The following MRM3 variants were observed in gnomAD, a reference collection of about 807,000 sequenced individuals.
MRM3 encodes rRNA methyltransferase 3, mitochondrial.
In MRM3, 26 loss-of-function variants were observed where a neutral mutation model predicts 29.4. The ratio of observed to expected loss-of-function variants is 0.89; its 90% CI spans 0.65 to 1.23. The LOEUF is 1.23. MRM3 is among the 50% of genes most tolerant of loss of function. The pLI, the probability that MRM3 is intolerant of heterozygous loss-of-function variation, is 0.00. For missense variants in MRM3, 578 were observed against 540.2 expected, an observed-to-expected ratio of 1.07 and a Z score of -0.69; for synonymous variants, 225 against 219.0, an observed-to-expected ratio of 1.03 and a Z score of -0.24.
chr17:784,040 C>T lies in MRM3; in HGVS notation c.559+713C>T, dbSNP rs568038431. Among the ~76,000 whole-genome samples, 10 of 152,338 alleles carry T rather than the reference C, an allele frequency of 6.6e-5. No individual in the cohort carries two copies. In the South Asian group the frequency reaches 1.2e-3, roughly 19 times the overall value. On this transcript the variant is annotated intron_variant, in intron 2 of 3. Transcript: ENST00000304478. The stretch of plus-strand genomic sequence containing the variant: ...AGGTACAAGCCACAATTTACTGCCC[C>T]GTTTAGCCCAATAAACAGAGAACCT...
chr17:786,620 A>G (rs1374151422), intron 2 of MRM3, among the ~76,000 whole-genome samples: 2 of 151,934 alleles, frequency 1.3e-5, no homozygotes, highest in Non-Finnish European at 2.9e-5. Flanking sequence ...CATGTTGTTC[A>G]GGCTGGTCTC....
At position 792,112 on chromosome 17, in the gene MRM3, C is replaced by G. The variant is rs764749129; in HGVS notation, c.*43C>G. 16 of 1,539,452 alleles carry G rather than the reference C, an allele frequency of 1.0e-5. No individual in the cohort carries two copies. The highest frequency in any genetic ancestry group is 1.1e-5 in the Non-Finnish European group (12 of 1,139,690). Reference sequence around the variant, plus strand: ...CTGCTTGAGGACGTCTGCAGCTCCTCCTACACCAGCACACTGGTGGGAGGC... The same window carrying G: ...CTGCTTGAGGACGTCTGCAGCTCCTGCTACACCAGCACACTGGTGGGAGGC... On this transcript the variant is annotated 3_prime_UTR_variant, in exon 4 of 4. Coordinates refer to ENST00000304478, the MANE Select transcript of MRM3 (RefSeq NM_018146.4).
chr17:788,680 C>G (rs1390545138), intron 3 of MRM3, among the ~76,000 whole-genome samples: 1 of 152,030 alleles, frequency 6.6e-6, no homozygotes, highest in Non-Finnish European at 1.5e-5. Context: ...GATCTTGGGT[C>G]TGCCTTCACT....
intron 2 of MRM3, among the ~76,000 whole-genome samples, chr17:786,183 C>T (rs993830662): frequency 3.3e-5 from 5 of 152,246 alleles, no homozygotes; most frequent in South Asian, 2.1e-4. Context: ...TCACTGCAAC[C>T]TCCACCTCCT....
rs1402719309 is a variant in MRM3, at chr17:791,594, T to A, written c.788T>A (p.Met263Lys). Residue 263 changes from methionine to lysine, a missense_variant, in exon 4 of 4, where the codon ATG becomes AAG. By Grantham distance (95) the Met-to-Lys change is moderately conservative. Coordinates refer to ENST00000304478, the MANE Select transcript of MRM3 (RefSeq NM_018146.4). ...GCGGGTATGGGCGCACATTTCCGGA[T>A]GCCCATTATCAATAATCTGGAATGG... Reference protein sequence around the residue: ...LRAGMGAHFRMPIINNLEWET... With the variant: ...LRAGMGAHFRKPIINNLEWET... The A allele has an allele frequency of 1.9e-6, 3 of 1,614,092 alleles. No individual in the cohort carries two copies. The highest frequency in any genetic ancestry group is 1.3e-5 in the African/African-American group (1 of 74,940).
Position 787,820 on chromosome 17 carries a change from A to T in MRM3, c.560-145A>T. 1.2e-6 allele frequency: 1 copy of T among 853,266 alleles called. No individual in the cohort carries two copies. Among genetic ancestry groups the T allele is most frequent in the Non-Finnish European group, 1.9e-6 (1 of 534,470 alleles). The allele number at this position is 853,266 out of a possible 1,614,324, so 52.9% of individuals were successfully genotyped here. Reference sequence around the variant, plus strand: ...CGCCTTGGCCTCCCGAAGTGTTGGGATTACAGGCATGAGCCAGTACACCTG... The same window carrying T: ...CGCCTTGGCCTCCCGAAGTGTTGGGTTTACAGGCATGAGCCAGTACACCTG... On this transcript the variant is annotated intron_variant, in intron 2 of 3. Coordinates refer to ENST00000304478, the MANE Select transcript of MRM3 (RefSeq NM_018146.4). The surrounding 1 kb of genome is among the most constrained non-coding windows in gnomAD (Gnocchi z 4.1).
chr17:785,416 A>G (rs1567799211), intron 2 of MRM3, among the ~76,000 whole-genome samples: 2 of 152,154 alleles, frequency 1.3e-5, no homozygotes, highest in Non-Finnish European at 2.9e-5. Context: ...TTATTATATA[A>G]TGTATATATA....
intron 2 of MRM3, 162 bp downstream of exon 2, chr17:783,489 AC>A: frequency 1.6e-6 from 1 of 632,372 alleles, no homozygotes; most frequent in Non-Finnish European, 2.5e-6. Context: ...GGCGTCTGCC[AC>A]CATGCCCGGG....
rs186241400 is a variant in MRM3 at position 782,692 on chromosome 17, G to A, written c.314G>A (p.Ser105Asn). 22 of 1,596,192 alleles carry A rather than the reference G, an allele frequency of 1.4e-5. No individual in the cohort carries two copies. In the East Asian group the frequency reaches 2.7e-4, roughly 20 times the overall value. The change falls in exon 1 of 4, where the codon AGC (serine) becomes AAC (asparagine). Residue 105 changes from serine to asparagine, a missense_variant and splice_region_variant. Ser to Asn is a conservative substitution (Grantham distance 46). Coordinates refer to ENST00000304478, the MANE Select transcript of MRM3 (RefSeq NM_018146.4). ...DKAYPGDRRL[S>N]SVMTIVKSRP... ...GCTTATCCCGGGGACAGGAGGCTGA[G>A]GTGATGTGGTTCTTGAGCCTGTCGA...
Position 787,932 on chromosome 17 carries a change from C to G in MRM3, c.560-33C>G. 2.5e-6 allele frequency: 4 copies of G among 1,607,946 alleles called. No individual in the cohort carries two copies. Among genetic ancestry groups the G allele is most frequent in the Non-Finnish European group, 3.4e-6 (4 of 1,175,866 alleles). Reference sequence around the variant, plus strand: ...GTCAGACTATTCCCCGTGCCCACACCAGGCAAGTAAACCACCTGTTTTGTT... The same window carrying G: ...GTCAGACTATTCCCCGTGCCCACACGAGGCAAGTAAACCACCTGTTTTGTT... On this transcript the variant is annotated intron_variant, in intron 2 of 3. Transcript: ENST00000304478. This position sits in a 1 kb window ranked among gnomAD's most constrained non-coding sequence, Gnocchi z 4.1.
In MRM3 at chr17:783,141, C is replaced by T. The variant is rs1393799287; in HGVS notation, c.373C>T (p.Leu125=). The T allele has an allele frequency of 6.2e-7, 1 of 1,613,926 alleles. No individual in the cohort carries two copies. The highest frequency in any genetic ancestry group is 8.5e-7 in the Non-Finnish European group (1 of 1,179,984). Residue 125 remains leucine, a synonymous_variant, in exon 2 of 4, where the codon CTG becomes TTG. Transcript: ENST00000304478. ...TCGGGAAAAACAAGGGAAGATCCTG[C>T]TGGAAGGTCGCAGGCTCATTTCAGA... ...PFREKQGKIL[L]EGRRLISDAL...
intron 3 of MRM3, chr17:790,469 T>A: frequency 5.7e-6 from 1 of 174,606 alleles, no homozygotes; most frequent in South Asian, 8.3e-5. Flanking sequence ...CGTGTTGGCC[T>A]GCCCACCTCC....
intron 3 of MRM3, among the ~76,000 whole-genome samples, chr17:791,008 C>T (rs1910793086): frequency 6.6e-6 from 1 of 152,016 alleles, no homozygotes; most frequent in Non-Finnish European, 1.5e-5. Context: ...CGCCACAGCG[C>T]CACCGCTGAT....
intron 3 of MRM3, among the ~76,000 whole-genome samples, chr17:789,327 G>C (rs1468919711): frequency 2.0e-5 from 3 of 152,352 alleles, no homozygotes; most frequent in Admixed American, 6.5e-5. Flanking sequence ...GACGTCAGCA[G>C]CTCTGAATCC....
Position 787,243 on chromosome 17 carries a change from G to A in MRM3, c.560-722G>A, listed in dbSNP as rs1349462607. Among the ~76,000 whole-genome samples the A allele has an allele frequency of 2.0e-5, 3 of 151,530 alleles. No individual in the cohort carries two copies. The highest frequency in any genetic ancestry group is 2.0e-4 in the Admixed American group (3 of 15,228). ...CCTGGGCAACAGAGTGAGAGAGTGG[G>A]ACTCTGTCTCAAAAAAAAATAGCCT... On this transcript the variant is annotated intron_variant, in intron 2 of 3. Coordinates refer to ENST00000304478, the MANE Select transcript of MRM3 (RefSeq NM_018146.4). The surrounding 1 kb of genome is among the most constrained non-coding windows in gnomAD (Gnocchi z 4.1).
chr17:788,153 G>T, intron 3 of MRM3, 21 bp downstream of exon 3: 1 of 1,612,826 alleles, frequency 6.2e-7, no homozygotes, highest in South Asian at 1.1e-5. Context: ...CAAAGGCCAG[G>T]CATAGTGGCT....
chr17:786,064 G>A (rs181036618), intron 2 of MRM3, among the ~76,000 whole-genome samples: 68 of 152,258 alleles, frequency 4.5e-4, no homozygotes, highest in African/African-American at 1.1e-3. Context: ...TGATAGACCC[G>A]CTTTTAAGAA....
In MRM3 at chr17:792,067, T is replaced by G. The variant is rs774666776; in HGVS notation, c.1261T>G (p.Ter421GlyextTer64). 1 of 1,590,236 alleles carries G rather than the reference T, an allele frequency of 6.3e-7. No homozygotes were observed. Residue 421 changes from the stop codon to glycine, a stop_lost, in exon 4 of 4, where the codon TGA becomes GGA. Coordinates refer to ENST00000304478, the MANE Select transcript of MRM3 (RefSeq NM_018146.4). ...EDLSRDRSYH* is the reference protein window; with the variant it reads ...EDLSRDRSYHG ...CTTGAGCAGGGACAGGAGTTACCACTGAGGACGCAGAAGTGACTTCTGCTT... is the reference window on the plus strand; with the variant it reads ...CTTGAGCAGGGACAGGAGTTACCACGGAGGACGCAGAAGTGACTTCTGCTT...
intron 2 of MRM3, among the ~76,000 whole-genome samples, chr17:785,860 ATT>A (rs1910507670): frequency 6.6e-6 from 1 of 152,210 alleles, no homozygotes; most frequent in Non-Finnish European, 1.5e-5. Flanking sequence ...CCTATAAACT[ATT>A]TTTTAAAAGC....
Sources: gnomAD v4.1 joint callset for allele counts (sites outside exome capture counted in the v4.1 genomes callset) on GRCh38, gnomAD v4.1.1 for gene constraint, Gnocchi (gnomAD v3.1) non-coding constraint, MANE v1.5 for transcripts, NCBI Gene and HGNC (gene_info 2026-07-23, HGNC 2026-07-21) for gene names.